The following GPRC5A variants were observed in gnomAD, a reference collection of about 807,000 sequenced individuals.
The protein encoded by GPRC5A is G protein-coupled receptor class C group 5 member A, also known as retinoic acid-induced protein 3.
GPRC5A carries 19 observed loss-of-function variants against 22.5 expected under a neutral mutation model. The observed-to-expected ratio is 0.85, with a 90% CI of 0.59 to 1.24. GPRC5A has a LOEUF of 1.24. Among genes scored for constraint, GPRC5A ranks in the 50% most tolerant of loss-of-function variants. The probability of loss-of-function intolerance (pLI) is 0.00; values close to 1 mark genes in which losing one functional copy is unlikely to be tolerated. For missense variants in GPRC5A, 471 were observed against 451.1 expected (o/e 1.04, Z -0.40); for synonymous variants, 192 against 184.5 (o/e 1.04, Z -0.33).
intron 1 of GPRC5A, among the ~76,000 whole-genome samples, chr12:12,902,810 G>A (rs1411632317): frequency 6.6e-6 from 1 of 152,166 alleles, no homozygotes; most frequent in Non-Finnish European, 1.5e-5. Flanking sequence ...GCTCACGCCT[G>A]TAATCCCAGC....
At chr12:12,909,499 A>G (rs571370547) in intron 2 of GPRC5A, 1 of 220,766 alleles carries the variant, frequency 4.5e-6, no homozygotes, top group East Asian at 1.0e-4. Flanking sequence ...AAGATGCAGC[A>G]AAGACATGGA....
intron 2 of GPRC5A, among the ~76,000 whole-genome samples, chr12:12,911,416 C>T (rs1350662059): frequency 6.6e-6 from 1 of 151,990 alleles, no homozygotes; most frequent in Admixed American, 6.6e-5. Flanking sequence ...TAGGTAAATC[C>T]CCAGTGAGAT....
At position 12,908,441 on chromosome 12, in the gene GPRC5A, G is replaced by A. The variant is rs760520006; in HGVS notation, c.192G>A (p.Met64Ile). The A allele has an allele frequency of 2.5e-6, 4 of 1,613,930 alleles. No homozygotes were observed. Among genetic ancestry groups the A allele is most frequent in the African/African-American group, 2.7e-5 (2 of 74,938 alleles). ...TGCAGGACTCCAACAGGCGAAAAAT[G>A]CTGCCTACTCAGTTTCTCTTCCTCC... The part of the protein sequence containing the change: ...CKVQDSNRRK[M>I]LPTQFLFLLG... Residue 64 changes from methionine to isoleucine, a missense_variant, in exon 2 of 4, where the codon ATG (methionine) becomes ATA (isoleucine). Coordinates refer to ENST00000014914, the MANE Select transcript of GPRC5A (RefSeq NM_003979.4).
chr12:12,892,815 G>A (rs542375920), intron 1 of GPRC5A, among the ~76,000 whole-genome samples: 25 of 152,232 alleles, frequency 1.6e-4, no homozygotes, highest in African/African-American at 5.3e-4. Context: ...CCTGTTGAAG[G>A]GTTCGGCCGA....
At chr12:12,908,106 A>G in intron 1 of GPRC5A, 137 bp from the exon 2 acceptor site, 1 of 596,226 alleles carries the variant, frequency 1.7e-6, no homozygotes, top group Middle Eastern at 3.0e-4. Context: ...AGCTTTACTT[A>G]ATGTAGTAAG....
intron 1 of GPRC5A, among the ~76,000 whole-genome samples, chr12:12,900,920 A>AG (rs1245146828): frequency 1.4e-5 from 2 of 143,978 alleles, no homozygotes; most frequent in African/African-American, 5.6e-5. Flanking sequence ...AAAACAAAAA[A>AG]AAAACAACCC....
chr12:12,895,347 G>T (rs996881644), intron 1 of GPRC5A, among the ~76,000 whole-genome samples: 2 of 138,416 alleles, frequency 1.4e-5, no homozygotes, highest in Non-Finnish European at 3.2e-5. Flanking sequence ...TTTAGGTTAG[G>T]TTCTTCTAGG....
chr12:12,908,145 C>T (rs1863961691), intron 1 of GPRC5A, 98 bp from the exon 2 acceptor site: 2 of 803,650 alleles, frequency 2.5e-6, no homozygotes, highest in Non-Finnish European at 3.9e-6. Context: ...GCTAAACATG[C>T]AAAATTGGTT....
intron 2 of GPRC5A, among the ~76,000 whole-genome samples, chr12:12,911,100 T>C (rs979470517): frequency 6.6e-6 from 1 of 152,132 alleles, no homozygotes; most frequent in African/African-American, 2.4e-5. Flanking sequence ...CTCGAACTCC[T>C]GACCTCATGA....
intron 1 of GPRC5A, among the ~76,000 whole-genome samples, chr12:12,892,687 A>G (rs887773173): frequency 1.3e-5 from 2 of 152,136 alleles, no homozygotes; most frequent in East Asian, 1.9e-4. Flanking sequence ...TTAAACATCC[A>G]TGGGAAAGGC....
rs1049435523 is a variant in GPRC5A at position 12,906,874 on chromosome 12, A to G, written c.-7-1369A>G. Among the ~76,000 whole-genome samples the G allele has an allele frequency of 5.9e-5, 9 of 152,216 alleles. No individual in the cohort carries two copies. The South Asian group carries it at 1.5e-3, about 25-fold the overall frequency. On this transcript the variant is annotated intron_variant, in intron 1 of 3. Transcript: ENST00000014914. ...GGAGTTTGAGACCAGCTTGACCAAC[A>G]TGCAGAAACCCCATCTCTACTAAAA...
In GPRC5A at chr12:12,908,498, C is replaced by T. The variant is rs148167346; in HGVS notation, c.249C>T (p.Phe83=). The change falls in exon 2 of 4, where the codon TTC becomes TTT. Residue 83 remains phenylalanine, a synonymous_variant. Transcript: ENST00000014914. ...TGTTGGGCATCTTTGGCCTCACCTT[C>T]GCCTTCATCATCGGACTGGACGGGA... ...LGVLGIFGLT[F]AFIIGLDGST... is the part of the protein sequence containing the mutation. 105 of 1,614,134 alleles carry T rather than the reference C, an allele frequency of 6.5e-5. No homozygotes were observed. In the Middle Eastern group the frequency reaches 1.2e-3, roughly 18 times the overall value.
chr12:12,914,590 T>TCTC lies in GPRC5A; in HGVS notation c.*2051_*2052insCTC, dbSNP rs1565466573. ...TTTCTTTCTTTCTTTCTTTCTTTCT[T>TCTC]TCTTTCTCTCTCTCTCTCTCTCTCT... On this transcript the variant is annotated 3_prime_UTR_variant, in exon 4 of 4. Coordinates refer to ENST00000014914, the MANE Select transcript of GPRC5A (RefSeq NM_003979.4). The TCTC allele has an allele frequency of 2.5e-4, 16 of 65,260 alleles. No homozygotes were observed. In the Admixed American group the frequency reaches 2.5e-3, roughly 10 times the overall value. The allele number at this position is 65,260 out of a possible 1,614,324, so 4.0% of individuals were successfully genotyped here.
At chr12:12,909,723 C>T (rs960821588) in intron 2 of GPRC5A, 1 of 153,178 alleles carries the variant, frequency 6.5e-6, no homozygotes, top group African/African-American at 2.4e-5. Flanking sequence ...GGTAAGGATT[C>T]TGGTTTAGTG....
At position 12,908,347 on chromosome 12, in the gene GPRC5A, C is replaced by T. The variant is rs112948541; in HGVS notation, c.98C>T (p.Thr33Met). 54 of 1,613,964 alleles carry T rather than the reference C, an allele frequency of 3.3e-5. No homozygotes were observed. Among genetic ancestry groups the T allele is most frequent in the Admixed American group, 2.0e-4 (12 of 60,016 alleles). The change falls in exon 2 of 4, where the codon ACG (threonine) becomes ATG (methionine). Residue 33 changes from threonine (T) to methionine (M), a missense_variant. Thr to Met is a moderately conservative substitution (Grantham distance 81). Coordinates refer to ENST00000014914, the MANE Select transcript of GPRC5A (RefSeq NM_003979.4). The stretch of plus-strand genomic sequence containing the variant: ...GAAGCTTGGGGCATCGTCCTAGAAA[C>T]GGTGGCCACAGCCGGGGTTGTGACC... ...KAEAWGIVLE[T>M]VATAGVVTSV...
At chr12:12,903,720 TGGATC>T (rs1863912262) in intron 1 of GPRC5A, among the ~76,000 whole-genome samples, 1 of 152,252 alleles carries the variant, frequency 6.6e-6, no homozygotes, top group Non-Finnish European at 1.5e-5. Context: ...TTACTTTTGT[TGGATC>T]CTGGTCTGTG....
At chr12:12,911,358 T>A (rs554005404) in intron 2 of GPRC5A, among the ~76,000 whole-genome samples, 2 of 152,272 alleles carry the variant, frequency 1.3e-5, no homozygotes, top group South Asian at 4.1e-4. Context: ...CTCTTCCCAA[T>A]GAAAATGATA....
intron 1 of GPRC5A, among the ~76,000 whole-genome samples, chr12:12,907,511 A>C (rs1445229851): frequency 6.6e-6 from 1 of 152,292 alleles, no homozygotes; most frequent in East Asian, 1.9e-4. Context: ...CCAAAGGTAG[A>C]GGCTGCAACG....
chr12:12,905,611 C>T (rs1261474084), intron 1 of GPRC5A, among the ~76,000 whole-genome samples: 5 of 152,124 alleles, frequency 3.3e-5, no homozygotes, highest in African/African-American at 9.7e-5. Context: ...ACATCTTATT[C>T]GACATTGACT....
Sources: gnomAD v4.1 joint callset for allele counts (sites outside exome capture counted in the v4.1 genomes callset) on GRCh38, gnomAD v4.1.1 for gene constraint, MANE v1.5 for transcripts, NCBI Gene and HGNC (gene_info 2026-07-23, HGNC 2026-07-21) for gene names.